Variants in SPDYE5 observed in about 807,000 individuals in gnomAD.
The protein encoded by SPDYE5 is speedy protein E5.
SPDYE5 carries 15 observed loss-of-function variants against 48.5 expected under a neutral mutation model. The ratio of observed to expected loss-of-function variants is 0.31; its 90% CI spans 0.21 to 0.48. The LOEUF is 0.48. SPDYE5 is among the 20% of genes least tolerant of loss of function. SPDYE5 has a pLI of 0.99. For missense variants in SPDYE5, 331 were observed against 549.1 expected, an observed-to-expected ratio of 0.60 and a Z score of 3.97; for synonymous variants, 116 against 200.7, an observed-to-expected ratio of 0.58 and a Z score of 3.57.
intron 4 of SPDYE5, among the ~76,000 whole-genome samples, 192 bp from the exon 5 acceptor site, chr7:75,497,746 T>A (rs2116610225): frequency 7.0e-6 from 1 of 142,972 alleles, no homozygotes; most frequent in East Asian, 2.5e-4. Flanking sequence ...TTCGGCCTCT[T>A]CTCAGGGGAG....
intron 8 of SPDYE5, among the ~76,000 whole-genome samples, chr7:75,502,403 A>G (rs1478885713): frequency 6.6e-6 from 1 of 152,164 alleles, no homozygotes; most frequent in Non-Finnish European, 1.5e-5. Context: ...ATAAGACTTC[A>G]TCATGAGGAG....
chr7:75,495,771 A>G (rs1157340601), intron 3 of SPDYE5, among the ~76,000 whole-genome samples: 1 of 152,154 alleles, frequency 6.6e-6, no homozygotes, highest in Non-Finnish European at 1.5e-5. Context: ...CGGGTGTGGT[A>G]GCTCATGCCT....
rs1207603153 is a variant in SPDYE5 at position 75,499,766 on chromosome 7, C to CAAA, written c.755+475_755+477dup. On this transcript the variant is annotated intron_variant, in intron 6 of 8. Transcript: ENST00000625065. ...TGGGTGACAGAGTGAGACTTTTTCT[C>CAAA]AAAAAAAAAAAAAAAAAAAAAAAAA... Among the ~76,000 whole-genome samples the CAAA allele has an allele frequency of 2.7e-3, 49 of 17,868 alleles. No individual in the cohort carries two copies. In the East Asian group the frequency reaches 0.053, roughly 19 times the overall value. The allele number at this position is 17,868 out of a possible 152,430, so 11.7% of individuals were successfully genotyped here. A position where few individuals can be genotyped will look rare whatever the true frequency, so the allele number is the denominator to read the frequency against.
chr7:75,499,288 TAC>T lies in SPDYE5; in HGVS notation c.728_729del (p.Tyr243SerfsTer14), dbSNP rs1462703224. On this transcript the variant is annotated frameshift_variant, in exon 6 of 9. Transcript: ENST00000625065. LOFTEE classifies it high-confidence loss of function. ...CCGGGCCGGCTTCCCCTCCTGGCAATACCAACGCATTCATTTCTTCCTGGCTC... is the reference window on the plus strand; with the variant it reads ...CCGGGCCGGCTTCCCCTCCTGGCAATCAACGCATTCATTTCTTCCTGGCTC... ...FSRAGFPSWQ[Y>X]QRIHFFLALY... 1 of 1,535,742 alleles carries T rather than the reference TAC, an allele frequency of 6.5e-7. No individual in the cohort carries two copies. The highest frequency in any genetic ancestry group is 9.0e-7 in the Non-Finnish European group (1 of 1,109,764).
chr7:75,498,916 C>T (rs1307843063), intron 5 of SPDYE5, among the ~76,000 whole-genome samples: 3 of 151,714 alleles, frequency 2.0e-5, no homozygotes, highest in Non-Finnish European at 4.4e-5. Context: ...ACTCTCAGCT[C>T]TTCAGGACAG....
At chr7:75,500,611 G>A (rs1413028181) in intron 6 of SPDYE5, among the ~76,000 whole-genome samples, 3 of 150,934 alleles carry the variant, frequency 2.0e-5, no homozygotes, top group Non-Finnish European at 3.0e-5. Flanking sequence ...ATAGCTCATC[G>A]CAGCCTCCAT....
At chr7:75,497,733 TC>T (rs1554482791) in intron 4 of SPDYE5, among the ~76,000 whole-genome samples, 4 of 140,802 alleles carry the variant, frequency 2.8e-5, no homozygotes, top group African/African-American at 1.0e-4. Context: ...ACCCAGGGCC[TC>T]CTTCGGCCTC....
chr7:75,494,027 A>G lies in SPDYE5; in HGVS notation c.-21A>G. 1 of 926,624 alleles carries G rather than the reference A, an allele frequency of 1.1e-6. No homozygotes were observed. The highest frequency in any genetic ancestry group is 1.6e-6 in the Non-Finnish European group (1 of 626,862). 57.4% of individuals were successfully genotyped at this position (926,624 alleles called of 1,614,324 possible). A position where few individuals can be genotyped will look rare whatever the true frequency, so the allele number is the denominator to read the frequency against. ...TTGATAACATACTCTTCTGGATCCT[A>G]GCAGTGATCAGAAGAAGGCCATGGA... On this transcript the variant is annotated 5_prime_UTR_variant, in exon 2 of 9. Coordinates refer to ENST00000625065, the MANE Select transcript of SPDYE5 (RefSeq NM_001306141.4).
At chr7:75,499,659 C>G (rs371370485) in intron 6 of SPDYE5, among the ~76,000 whole-genome samples, 2 of 148,508 alleles carry the variant, frequency 1.3e-5, no homozygotes, top group South Asian at 2.2e-4. Flanking sequence ...CCCAGCTACT[C>G]GAGAGGCTGA....
intron 3 of SPDYE5, among the ~76,000 whole-genome samples, chr7:75,495,610 G>A (rs1480500639): frequency 6.6e-6 from 1 of 152,238 alleles, no homozygotes; most frequent in African/African-American, 2.4e-5. Flanking sequence ...CAGGTGCAGT[G>A]GCTCACGCCT....
chr7:75,500,194 G>A (rs1793091287), intron 6 of SPDYE5, among the ~76,000 whole-genome samples: 1 of 140,480 alleles, frequency 7.1e-6, no homozygotes, highest in African/African-American at 2.7e-5. Flanking sequence ...AGGGTCCACA[G>A]TGTCAATTCT....
In SPDYE5 at chr7:75,501,772, G is replaced by C. The variant is rs781998425; in HGVS notation, c.1149+17G>C. 2 of 1,564,850 alleles carry C rather than the reference G, an allele frequency of 1.3e-6. No individual in the cohort carries two copies. Among genetic ancestry groups the C allele is most frequent in the Non-Finnish European group, 1.7e-6 (2 of 1,174,748 alleles). On this transcript the variant is annotated intron_variant, in intron 7 of 8. Coordinates refer to ENST00000625065, the MANE Select transcript of SPDYE5 (RefSeq NM_001306141.4). Reference sequence around the variant, plus strand: ...TTGGAGGAGGTAGGTGGGGCCTGGGGAGGTGGAGGAGGTGGGGAGGAATCG... The same window carrying C: ...TTGGAGGAGGTAGGTGGGGCCTGGGCAGGTGGAGGAGGTGGGGAGGAATCG...
In SPDYE5 at chr7:75,493,840, T is replaced by A; in HGVS notation, c.-208T>A. ...AAGAGATCAGCCTGGCAGTTACATG[T>A]GTTTTTTTTCAAACTGGTTGCCAGG... On this transcript the variant is annotated 5_prime_UTR_variant, in exon 2 of 9. Transcript: ENST00000625065. 1 of 1,439,588 alleles carries A rather than the reference T, an allele frequency of 6.9e-7. No homozygotes were observed. The highest frequency in any genetic ancestry group is 1.5e-5 in the South Asian group (1 of 67,606). 89.2% of individuals were successfully genotyped at this position (1,439,588 alleles called of 1,614,324 possible). A position where few individuals can be genotyped will look rare whatever the true frequency, so the allele number is the denominator to read the frequency against.
rs1793233814 is a variant in SPDYE5, at chr7:75,503,829, ATAT to A, written c.*1047_*1049del. ...ATTTATTTAAATATTATTACTTGAA[ATAT>A]TATTTTAAATATTTTTGAAATACTG... On this transcript the variant is annotated 3_prime_UTR_variant, in exon 9 of 9. Transcript: ENST00000625065. 4 of 150,594 alleles carry A rather than the reference ATAT, an allele frequency of 2.7e-5. No individual in the cohort carries two copies. The South Asian group carries it at 8.3e-4, about 31-fold the overall frequency. The allele number at this position is 150,594 out of a possible 1,614,324, so 9.3% of individuals were successfully genotyped here.
chr7:75,492,474 C>T (rs1554481876), intron 1 of SPDYE5, among the ~76,000 whole-genome samples, 33 bp downstream of exon 1: 1 of 152,148 alleles, frequency 6.6e-6, no homozygotes, highest in African/African-American at 2.4e-5. Flanking sequence ...GAGTTTTGCT[C>T]GTTGCCCAGA....
At position 75,494,094 on chromosome 7, in the gene SPDYE5, A is replaced by G. The variant is rs1462780156; in HGVS notation, c.47A>G (p.Glu16Gly). 1.8e-5 allele frequency: 27 copies of G among 1,534,980 alleles called. No individual in the cohort carries two copies. The highest frequency in any genetic ancestry group is 2.3e-4 in the Middle Eastern group (1 of 4,360). Residue 16 changes from glutamate to glycine, a missense_variant, in exon 2 of 9, where the codon GAA becomes GGA. Physicochemically the swap from Glu to Gly is moderately conservative, Grantham distance 98 (BLOSUM62 -2). This residue lies in a region of SPDYE5 where 67 missense variants were observed against 55.7 expected (regional missense o/e 1.20). Transcript: ENST00000625065. ...TRFRKRGQIT[E>G]KITTSRQPQP... ...TTCCGTAAGAGGGGACAGATTACGG[A>G]AAAGATCACGACCAGCCGTCAACCG...
Position 75,496,660 on chromosome 7 carries a change from G to A in SPDYE5, c.380-14G>A, listed in dbSNP as rs1792944448. The A allele has an allele frequency of 6.3e-7, 1 of 1,597,550 alleles. No individual in the cohort carries two copies. The highest frequency in any genetic ancestry group is 8.5e-7 in the Non-Finnish European group (1 of 1,179,872). On this transcript the variant is annotated splice_polypyrimidine_tract_variant and intron_variant, in intron 3 of 8. Coordinates refer to ENST00000625065, the MANE Select transcript of SPDYE5 (RefSeq NM_001306141.4). ...TGCAGAAGCATTACACCATGGCCTGGTTTCTTTACTCAGCCCCTGGGGTAG... is the reference window on the plus strand; with the variant it reads ...TGCAGAAGCATTACACCATGGCCTGATTTCTTTACTCAGCCCCTGGGGTAG...
chr7:75,500,768 G>A (rs749622741), intron 6 of SPDYE5, among the ~76,000 whole-genome samples: 27 of 152,162 alleles, frequency 1.8e-4, no homozygotes, highest in Admixed American at 3.3e-4. Flanking sequence ...GAATGGAGTG[G>A]CCCAATCTCA....
chr7:75,493,470 T>C (rs1792808750), intron 1 of SPDYE5, among the ~76,000 whole-genome samples, 157 bp from the exon 2 acceptor site: 1 of 148,008 alleles, frequency 6.8e-6, no homozygotes, highest in South Asian at 2.2e-4. Flanking sequence ...GATGTGACTT[T>C]TTCATCAAGT....
Sources: allele counts gnomAD v4.1 joint callset (sites outside exome capture counted in the v4.1 genomes callset), GRCh38; gene constraint gnomAD v4.1.1; regional missense constraint gnomAD v4.1.1; transcripts MANE v1.5; gene names NCBI Gene and HGNC (gene_info 2026-07-23, HGNC 2026-07-21).